The following GABBR2 variants were observed in gnomAD, a reference collection of about 807,000 sequenced individuals.
GABBR2 encodes gamma-aminobutyric acid type B receptor subunit 2.
A neutral mutation model predicts 105.6 loss-of-function variants in GABBR2; 23 were observed. That is an observed-to-expected ratio of 0.22 (90% CI 0.16 to 0.31). The LOEUF (loss-of-function observed/expected upper bound fraction) is 0.31, where lower values mean the gene tolerates loss of function less well. Among genes scored for constraint, GABBR2 ranks in the 10% least tolerant of loss-of-function variants. The probability of loss-of-function intolerance (pLI) is 1.00; values close to 1 mark genes in which losing one functional copy is unlikely to be tolerated. For synonymous variants in GABBR2, 478 were observed against 499.7 expected, an observed-to-expected ratio of 0.96 and a Z score of 0.58; for missense variants, 734 against 1,245.5, an observed-to-expected ratio of 0.59 and a Z score of 6.18.
At chr9:98,589,212 G>A (rs745421606) in intron 1 of GABBR2, among the ~76,000 whole-genome samples, 21 of 152,202 alleles carry the variant, frequency 1.4e-4, no homozygotes, top group Admixed American at 3.9e-4. Flanking sequence ...GTTCCTACCC[G>A]AGCCTCTTTC....
intron 16 of GABBR2, among the ~76,000 whole-genome samples, chr9:98,301,335 G>T (rs964186210): frequency 6.6e-6 from 1 of 152,242 alleles, no homozygotes; most frequent in Non-Finnish European, 1.5e-5. Flanking sequence ...CCCAGCGGGT[G>T]CCTGCTGCTC....
At chr9:98,621,121 A>G (rs1829664814) in intron 1 of GABBR2, among the ~76,000 whole-genome samples, 1 of 152,236 alleles carries the variant, frequency 6.6e-6, no homozygotes, top group African/African-American at 2.4e-5. Flanking sequence ...CAATTTATGA[A>G]GCACTTTCTC....
chr9:98,347,659 T>C (rs1831323832), intron 13 of GABBR2, among the ~76,000 whole-genome samples: 1 of 152,334 alleles, frequency 6.6e-6, no homozygotes, highest in South Asian at 2.1e-4. Context: ...AACCAATGTT[T>C]TGAAGCATTT....
chr9:98,451,828 C>T (rs1230680453), intron 7 of GABBR2, among the ~76,000 whole-genome samples: 1 of 152,178 alleles, frequency 6.6e-6, no homozygotes, highest in Non-Finnish European at 1.5e-5. Context: ...CTGTCCTTCC[C>T]TCCCTCTTGC....
intron 1 of GABBR2, among the ~76,000 whole-genome samples, chr9:98,578,879 C>T (rs903707008): frequency 6.6e-6 from 1 of 152,156 alleles, no homozygotes; most frequent in Non-Finnish European, 1.5e-5. Context: ...ATTATATGAT[C>T]CCACTCATAT....
chr9:98,531,254 G>A (rs552778458), intron 3 of GABBR2, among the ~76,000 whole-genome samples: 88 of 152,300 alleles, frequency 5.8e-4, no homozygotes, highest in African/African-American at 2.0e-3. Flanking sequence ...CTCTCTGAGC[G>A]GGGTCCATGT....
intron 11 of GABBR2, among the ~76,000 whole-genome samples, chr9:98,383,289 A>G (rs1228434336): frequency 3.3e-5 from 5 of 152,174 alleles, no homozygotes; most frequent in Admixed American, 2.0e-4. Context: ...CCACACCCAC[A>G]AGGACTTTTG....
intron 7 of GABBR2, among the ~76,000 whole-genome samples, chr9:98,425,638 G>C (rs887610742): frequency 1.1e-4 from 16 of 152,216 alleles, no homozygotes; most frequent in African/African-American, 3.6e-4. Context: ...GTGGGCCACA[G>C]GCCTGGTGGA....
At chr9:98,608,390 TC>T (rs1451395347) in intron 1 of GABBR2, among the ~76,000 whole-genome samples, 1 of 152,240 alleles carries the variant, frequency 6.6e-6, no homozygotes, top group Non-Finnish European at 1.5e-5. Flanking sequence ...AAACAGATTA[TC>T]TTCAGTTGAA....
chr9:98,415,088 A>C (rs1261789270), intron 7 of GABBR2, among the ~76,000 whole-genome samples: 12 of 152,216 alleles, frequency 7.9e-5, no homozygotes, highest in Admixed American at 3.3e-4. Flanking sequence ...AGTAAAAAAC[A>C]AAACAAAGGA....
chr9:98,496,638 GT>G, intron 3 of GABBR2, 124 bp from the exon 4 acceptor site: 1 of 692,632 alleles, frequency 1.4e-6, no homozygotes, highest in Non-Finnish European at 2.6e-6. Flanking sequence ...TGCAAAGTGA[GT>G]GGTTTTGTTT....
chr9:98,542,508 G>A (rs904547497), intron 2 of GABBR2, among the ~76,000 whole-genome samples: 7 of 152,110 alleles, frequency 4.6e-5, no homozygotes, highest in Middle Eastern at 3.4e-3. Context: ...GGGTTATTTC[G>A]ATTATTTCTA....
At chr9:98,546,820 G>A (rs73655490) in intron 2 of GABBR2, among the ~76,000 whole-genome samples, 12,616 of 62,574 alleles carry the variant, frequency 0.2, 3,306 homozygotes, top group African/African-American at 0.3. Context: ...TTTTGTTCCC[G>A]CTGGTTTTCA....
intron 13 of GABBR2, among the ~76,000 whole-genome samples, chr9:98,354,796 T>C: frequency 6.6e-6 from 1 of 152,334 alleles, no homozygotes; most frequent in East Asian, 1.9e-4. Context: ...AAGGCTGTTT[T>C]GCTTTCTTAT....
chr9:98,640,287 C>T (rs1588264518), intron 1 of GABBR2, among the ~76,000 whole-genome samples: 1 of 152,188 alleles, frequency 6.6e-6, no homozygotes, highest in African/African-American at 2.4e-5. Context: ...TGAATTCAAT[C>T]CCCTAACCTT....
chr9:98,525,223 C>A (rs527911420), intron 3 of GABBR2, among the ~76,000 whole-genome samples: 6 of 152,036 alleles, frequency 3.9e-5, no homozygotes, highest in African/African-American at 9.6e-5. Flanking sequence ...TAAAAAGAAC[C>A]CTTAGAATGG....
At chr9:98,440,242 G>A (rs1044308489) in intron 7 of GABBR2, among the ~76,000 whole-genome samples, 9 of 152,172 alleles carry the variant, frequency 5.9e-5, no homozygotes, top group African/African-American at 2.2e-4. Context: ...CCCTACAGGT[G>A]TATCCAGAGC....
chr9:98,518,880 G>A (rs1223065281), intron 3 of GABBR2, among the ~76,000 whole-genome samples: 2 of 152,198 alleles, frequency 1.3e-5, no homozygotes, highest in East Asian at 3.9e-4. Context: ...GGGAGCGGTG[G>A]TCTAGGTGAG....
chr9:98,510,893 C>T (rs960779891), intron 3 of GABBR2, among the ~76,000 whole-genome samples: 12 of 152,162 alleles, frequency 7.9e-5, no homozygotes, highest in Non-Finnish European at 8.8e-5. Context: ...CTCAGCTCTG[C>T]ACCAAGCAGA....
Sources: gnomAD v4.1 joint callset for allele counts (sites outside exome capture counted in the v4.1 genomes callset) on GRCh38, gnomAD v4.1.1 for gene constraint, MANE v1.5 for transcripts, NCBI Gene and HGNC (gene_info 2026-07-23, HGNC 2026-07-21) for gene names.